The following ABLIM2 variants were observed in gnomAD, a reference collection of about 807,000 sequenced individuals.
The protein encoded by ABLIM2 is actin-binding LIM protein 2.
In ABLIM2, 53 loss-of-function variants were observed where a neutral mutation model predicts 97.7. That is an observed-to-expected ratio of 0.54 (90% CI 0.44 to 0.68). The LOEUF (loss-of-function observed/expected upper bound fraction) is 0.68, where lower values mean the gene tolerates loss of function less well. ABLIM2 is among the 30% of genes least tolerant of loss of function. The probability of loss-of-function intolerance (pLI) is 0.00; values close to 1 mark genes in which losing one functional copy is unlikely to be tolerated. For missense variants in ABLIM2, 835 were observed against 867.2 expected (o/e 0.96, Z 0.47); for synonymous variants, 361 against 345.8 (o/e 1.04, Z -0.49).
chr4:8,031,729 T>TG (rs1206450591), intron 10 of ABLIM2, among the ~76,000 whole-genome samples: 3 of 130,462 alleles, frequency 2.3e-5, no homozygotes, highest in Non-Finnish European at 3.5e-5. Context: ...AATATACATT[T>TG]TTTTTTTTTT....
rs34195989 is a variant in ABLIM2, at chr4:8,145,745, T to TACACACAC, written c.10+12927_10+12934dup. Among the ~76,000 whole-genome samples the TACACACAC allele has an allele frequency of 6.3e-3, 868 of 138,632 alleles. 14 individuals carry two copies. Among genetic ancestry groups the TACACACAC allele is most frequent in the African/African-American group, 0.021 (769 of 37,430 alleles). The allele number at this position is 138,632 out of a possible 152,430, so 90.9% of individuals were successfully genotyped here. On this transcript the variant is annotated intron_variant, in intron 1 of 20. Coordinates refer to ENST00000447017, the MANE Select transcript of ABLIM2 (RefSeq NM_001130083.2). ...AAATTATCCCCAGACTACACACTCA[T>TACACACAC]ACACACACACACACACACACACACA...
At chr4:8,143,319 C>G (rs372460452) in intron 1 of ABLIM2, among the ~76,000 whole-genome samples, 1 of 152,110 alleles carries the variant, frequency 6.6e-6, no homozygotes, top group Non-Finnish European at 1.5e-5. Flanking sequence ...GCCCCCAAGG[C>G]TGGGTTCCCT....
intron 14 of ABLIM2, among the ~76,000 whole-genome samples, chr4:8,012,000 T>C (rs1445672050): frequency 6.6e-6 from 1 of 152,146 alleles, no homozygotes; most frequent in Non-Finnish European, 1.5e-5. Flanking sequence ...ATTCACCCTT[T>C]TACCTACTTA....
At position 8,036,172 on chromosome 4, in the gene ABLIM2, C is replaced by G; in HGVS notation, c.1024G>C (p.Gly342Arg). 1.2e-6 allele frequency: 2 copies of G among 1,613,888 alleles called. No individual in the cohort carries two copies. The highest frequency in any genetic ancestry group is 1.7e-6 in the Non-Finnish European group (2 of 1,179,806). The change falls in exon 10 of 21, where the codon GGG (glycine) becomes CGG (arginine). Residue 342 changes from glycine to arginine, a missense_variant. Coordinates refer to ENST00000447017, the MANE Select transcript of ABLIM2 (RefSeq NM_001130083.2). ...SYSPYISHSA[G>R]DRQSYGEGDQ... ...ACCTCGCCGTAGCTCTGCCTGTCCC[C>G]TGCAGAGTGGCTGATGTAGGGTGAG...
chr4:8,117,173 G>T (rs1578193973), intron 1 of ABLIM2, among the ~76,000 whole-genome samples: 1 of 152,226 alleles, frequency 6.6e-6, no homozygotes, highest in South Asian at 2.1e-4. Context: ...GCCACTCTTG[G>T]AGGTAGATAT....
rs1030269522 is a variant in ABLIM2, at chr4:8,124,376, C to T, written c.11-17739G>A. ...CACCATAATCCATTTTAGAAAATTT[C>T]CATCACCCCAAAAAGAAATGCTGCA... On this transcript the variant is annotated intron_variant, in intron 1 of 20. Coordinates refer to ENST00000447017, the MANE Select transcript of ABLIM2 (RefSeq NM_001130083.2). The surrounding 1 kb of genome is among the most constrained non-coding windows in gnomAD (Gnocchi z 6.1). Among the ~76,000 whole-genome samples the T allele has an allele frequency of 3.9e-5, 6 of 152,190 alleles. No homozygotes were observed. The South Asian group carries it at 1.0e-3, about 26-fold the overall frequency.
intron 1 of ABLIM2, among the ~76,000 whole-genome samples, chr4:8,146,673 G>A (rs1851845905): frequency 6.6e-6 from 1 of 152,114 alleles, no homozygotes; most frequent in Non-Finnish European, 1.5e-5. Flanking sequence ...CAGAGTAGCT[G>A]GGACTAGGCA....
intron 16 of ABLIM2, chr4:8,006,880 G>T (rs568486370): frequency 4.3e-5 from 16 of 374,612 alleles, no homozygotes; most frequent in South Asian, 1.1e-4. Context: ...TTTTTGCAGG[G>T]GGGGGGTGGC....
At chr4:8,101,235 G>A (rs1355658826) in intron 2 of ABLIM2, among the ~76,000 whole-genome samples, 2 of 152,188 alleles carry the variant, frequency 1.3e-5, no homozygotes, top group Non-Finnish European at 2.9e-5. Flanking sequence ...GGCCCAGCCC[G>A]GCTCAGGATC....
chr4:8,000,744 G>A (rs760491908), intron 16 of ABLIM2, among the ~76,000 whole-genome samples: 2 of 152,174 alleles, frequency 1.3e-5, no homozygotes, highest in African/African-American at 4.8e-5. Flanking sequence ...TCACAAGCAC[G>A]GATGGCGAGG....
chr4:8,013,638 C>T (rs1207061854), intron 14 of ABLIM2, among the ~76,000 whole-genome samples: 1 of 152,226 alleles, frequency 6.6e-6, no homozygotes, highest in Non-Finnish European at 1.5e-5. Flanking sequence ...GTGATTGGAA[C>T]CTTGTCTGTC....
intron 8 of ABLIM2, among the ~76,000 whole-genome samples, chr4:8,049,231 C>T: frequency 6.6e-6 from 1 of 152,252 alleles, no homozygotes; most frequent in Non-Finnish European, 1.5e-5. Flanking sequence ...AATCCCAGAG[C>T]ACACACAGTA....
intron 6 of ABLIM2, 82 bp downstream of exon 6, chr4:8,077,546 C>A: frequency 7.6e-7 from 1 of 1,315,924 alleles, no homozygotes. Context: ...TGCACAAACA[C>A]ACACAAATCT....
intron 20 of ABLIM2, among the ~76,000 whole-genome samples, chr4:7,979,696 T>A (rs1388539473): frequency 6.6e-6 from 1 of 152,228 alleles, no homozygotes; most frequent in Non-Finnish European, 1.5e-5. Flanking sequence ...CTTCCTTCTT[T>A]CCTCTCTCCC....
chr4:8,095,871 G>A lies in ABLIM2; in HGVS notation c.338+1228C>T, dbSNP rs765919421. Among the ~76,000 whole-genome samples the A allele has an allele frequency of 2.6e-5, 4 of 152,150 alleles. No homozygotes were observed. Among genetic ancestry groups the A allele is most frequent in the Non-Finnish European group, 4.4e-5 (3 of 68,032 alleles). On this transcript the variant is annotated intron_variant, in intron 3 of 20. Transcript: ENST00000447017. This position sits in a 1 kb window ranked among gnomAD's most constrained non-coding sequence, Gnocchi z 4.7. ...GTTTCCCAAATCCAGGAATTGTTTC[G>A]CTTGCAGCAACCTGGTCATTCTCTG...
At chr4:8,107,287 C>T (rs138931150) in intron 1 of ABLIM2, among the ~76,000 whole-genome samples, 21 of 152,340 alleles carry the variant, frequency 1.4e-4, no homozygotes, top group African/African-American at 4.6e-4. Flanking sequence ...TCCCGGGGAC[C>T]GGGCAGGGGG....
intron 1 of ABLIM2, among the ~76,000 whole-genome samples, chr4:8,133,713 T>C (rs1296885800): frequency 1.3e-5 from 2 of 152,130 alleles, no homozygotes; most frequent in African/African-American, 4.8e-5. Context: ...GCCCCGGCCC[T>C]CCGACAGCAT....
rs138524467 is a variant in ABLIM2, at chr4:7,993,137, C to T, written c.1619-210G>A. ...GCCACAGAGGGGTAATGTCCTGAGC[C>T]TGCCCGTGACACCGGAAATGCCACA... On this transcript the variant is annotated intron_variant, in intron 16 of 20. Transcript: ENST00000447017. 4.6e-5 allele frequency among the ~76,000 whole-genome samples: 7 copies of T among 152,320 alleles called. No individual in the cohort carries two copies. The East Asian group carries it at 1.4e-3, about 29-fold the overall frequency.
chr4:8,031,273 C>G (rs951755282), intron 10 of ABLIM2, among the ~76,000 whole-genome samples: 3 of 152,218 alleles, frequency 2.0e-5, no homozygotes, highest in African/African-American at 7.2e-5. Context: ...TGGGGTACAG[C>G]CTGAGACAGG....
Sources: allele counts gnomAD v4.1 joint callset (sites outside exome capture counted in the v4.1 genomes callset), GRCh38; gene constraint gnomAD v4.1.1; non-coding constraint Gnocchi (gnomAD v3.1); transcripts MANE v1.5; gene names NCBI Gene and HGNC (gene_info 2026-07-23, HGNC 2026-07-21).